Variants in RSF1 observed in about 807,000 individuals in gnomAD.
RSF1 encodes remodeling and spacing factor 1.
RSF1 carries 13 observed loss-of-function variants against 145.2 expected under a neutral mutation model. That is an observed-to-expected ratio of 0.09 (90% CI 0.06 to 0.14). The LOEUF (loss-of-function observed/expected upper bound fraction) is 0.14. Ranked by LOEUF, RSF1 falls within the 10% of genes least tolerant of loss-of-function variation. The pLI is 1.00. For missense variants in RSF1, 1,517 were observed against 1,718.2 expected (o/e 0.88, Z 2.07); for synonymous variants, 577 against 592.6 (o/e 0.97, Z 0.38).
chr11:77,667,524 C>A (rs747659014), intron 15 of RSF1, 33 bp from the exon 16 acceptor site: 20 of 1,558,234 alleles, frequency 1.3e-5, no homozygotes, highest in Non-Finnish European at 1.7e-5. Context: ...GCCATTGGCA[C>A]GGTTAACCAT....
At chr11:77,810,531 A>C (rs2135987018) in intron 1 of RSF1, among the ~76,000 whole-genome samples, 1 of 152,212 alleles carries the variant, frequency 6.6e-6, no homozygotes, top group Middle Eastern at 3.4e-3. Context: ...TAGGCATTTA[A>C]TTTGTATTAT....
At chr11:77,838,374 C>G in the RSF1 span, among the ~76,000 whole-genome samples, 1 of 152,178 alleles carries the variant, frequency 6.6e-6, no homozygotes, top group Non-Finnish European at 1.5e-5. Flanking sequence ...CCTTGATACA[C>G]TGAGTTGGCC....
At chr11:77,710,783 T>C (rs1481180977) in intron 5 of RSF1, among the ~76,000 whole-genome samples, 3 of 152,226 alleles carry the variant, frequency 2.0e-5, no homozygotes, top group African/African-American at 7.2e-5. Flanking sequence ...TGGAATACTT[T>C]TATAAAAACA....
chr11:77,827,444 C>T, the RSF1 span, among the ~76,000 whole-genome samples: 1 of 152,126 alleles, frequency 6.6e-6, no homozygotes, highest in Non-Finnish European at 1.5e-5. Context: ...ACACCATAAA[C>T]AAGTGGGATT....
At chr11:77,692,863 A>T (rs947641933) in intron 8 of RSF1, among the ~76,000 whole-genome samples, 11 of 151,886 alleles carry the variant, frequency 7.2e-5, no homozygotes, top group African/African-American at 2.7e-4. Flanking sequence ...TTTTTAGTAG[A>T]GACAGAGTTT....
intron 1 of RSF1, among the ~76,000 whole-genome samples, chr11:77,771,554 C>A (rs535783625): frequency 6.6e-6 from 1 of 152,188 alleles, no homozygotes; most frequent in African/African-American, 2.4e-5. Context: ...GGTAATGAGA[C>A]CCCACAGGAG....
In RSF1 at chr11:77,802,846, C is replaced by A. The variant is rs528714603; in HGVS notation, c.187+17682G>T. Among the ~76,000 whole-genome samples, 4 of 152,136 alleles carry A rather than the reference C, an allele frequency of 2.6e-5. No homozygotes were observed. The South Asian group carries it at 8.3e-4, about 32-fold the overall frequency. On this transcript the variant is annotated intron_variant, in intron 1 of 15. Coordinates refer to ENST00000308488, the MANE Select transcript of RSF1 (RefSeq NM_016578.4). The stretch of plus-strand genomic sequence containing the variant: ...GATTACAGGAGTGAGCCACCAAAAC[C>A]ATTTAAAAGATATCACAAGAAAAAA...
chr11:77,840,481 A>T, the RSF1 span, among the ~76,000 whole-genome samples: 22 of 152,232 alleles, frequency 1.4e-4, no homozygotes, highest in African/African-American at 5.3e-4. Context: ...GTGAGCCAAG[A>T]TCGCACCACT....
At chr11:77,688,087 T>C (rs987173772) in intron 9 of RSF1, among the ~76,000 whole-genome samples, 9 of 152,104 alleles carry the variant, frequency 5.9e-5, no homozygotes, top group African/African-American at 1.9e-4. Context: ...GGTCAGGAGT[T>C]CAAGACCAGC....
At chr11:77,843,639 T>C in the RSF1 span, among the ~76,000 whole-genome samples, 1 of 152,174 alleles carries the variant, frequency 6.6e-6, no homozygotes, top group South Asian at 2.1e-4. Flanking sequence ...ATAAAAAAAA[T>C]TGTCATAGAC....
intron 1 of RSF1, among the ~76,000 whole-genome samples, chr11:77,812,682 T>C (rs532402300): frequency 1.3e-5 from 2 of 151,914 alleles, no homozygotes; most frequent in South Asian, 4.2e-4. Context: ...GGTCAGGAGT[T>C]TTTGAGACCA....
the RSF1 span, among the ~76,000 whole-genome samples, chr11:77,833,587 C>G: frequency 6.6e-6 from 1 of 152,196 alleles, no homozygotes; most frequent in Non-Finnish European, 1.5e-5. Context: ...CAGTTCCTAA[C>G]AGATCACGGA....
chr11:77,861,891 G>GT, the RSF1 span, among the ~76,000 whole-genome samples: 4 of 152,226 alleles, frequency 2.6e-5, no homozygotes, highest in East Asian at 1.9e-4. Flanking sequence ...GTTTTTTGAA[G>GT]TTTTTTCTAA....
chr11:77,749,497 A>C (rs2135921495), intron 2 of RSF1, among the ~76,000 whole-genome samples: 1 of 152,300 alleles, frequency 6.6e-6, no homozygotes, highest in East Asian at 1.9e-4. Context: ...TGAGAGGTGA[A>C]AAACGACATA....
At position 77,672,279 on chromosome 11, in the gene RSF1, A is replaced by C; in HGVS notation, c.3563-49T>G. ...AAGTACAAAATTTAAGTCTATTTAG[A>C]AATGTAGCTTAGGTTATAAAAATGA... On this transcript the variant is annotated intron_variant, in intron 14 of 15. Transcript: ENST00000308488. 2.1e-6 allele frequency: 3 copies of C among 1,443,344 alleles called. No homozygotes were observed. The South Asian group carries it at 4.1e-5, about 19-fold the overall frequency. 89.4% of individuals were successfully genotyped at this position (1,443,344 alleles called of 1,614,324 possible).
At chr11:77,689,152 A>C (rs916911324) in intron 9 of RSF1, among the ~76,000 whole-genome samples, 2 of 152,152 alleles carry the variant, frequency 1.3e-5, no homozygotes, top group African/African-American at 2.4e-5. Flanking sequence ...ATCCTCTGAA[A>C]ATTCTCCCCA....
At chr11:77,824,944 T>C (rs1023127866), upstream of RSF1, among the ~76,000 whole-genome samples, 5 of 152,196 alleles carry the variant, frequency 3.3e-5, no homozygotes, top group African/African-American at 9.7e-5. Flanking sequence ...GTCTCCTTCA[T>C]ATGTTATCTT....
the RSF1 span, among the ~76,000 whole-genome samples, chr11:77,856,182 C>T: frequency 6.6e-6 from 1 of 152,224 alleles, no homozygotes; most frequent in Non-Finnish European, 1.5e-5. Context: ...CAAAGTTCTA[C>T]AGATCTCTAG....
At chr11:77,758,260 T>C (rs1948135957) in intron 2 of RSF1, among the ~76,000 whole-genome samples, 2 of 152,192 alleles carry the variant, frequency 1.3e-5, no homozygotes, top group Admixed American at 6.5e-5. Context: ...TTTAAGCGGA[T>C]ATCCAGTAAA....
Sources: allele counts gnomAD v4.1 joint callset (sites outside exome capture counted in the v4.1 genomes callset), GRCh38; gene constraint gnomAD v4.1.1; transcripts MANE v1.5; gene names NCBI Gene and HGNC (gene_info 2026-07-23, HGNC 2026-07-21).